Variants in OR1J2 observed in about 807,000 individuals in gnomAD.
OR1J2 encodes the protein olfactory receptor 1J2.
For synonymous variants in OR1J2, 142 were observed against 99.7 expected (o/e 1.42, Z -2.52); for missense variants, 304 against 246.1 (o/e 1.24, Z -1.57).
the OR1J2 span, chr9:122,519,666 C>T: frequency 6.2e-7 from 1 of 1,614,148 alleles, no homozygotes; most frequent in Non-Finnish European, 8.5e-7. Context: ...CACCATCCCC[C>T]ATTTCTTCTG....
chr9:122,477,069 G>T, the OR1J2 span: 2 of 1,614,038 alleles, frequency 1.2e-6, no homozygotes, highest in Admixed American at 3.3e-5. Context: ...AAATGAATGG[G>T]TTCAACATGG....
chr9:122,496,413 G>A, the OR1J2 span, among the ~76,000 whole-genome samples: 4 of 152,242 alleles, frequency 2.6e-5, no homozygotes, highest in South Asian at 2.1e-4. Context: ...GGCTTCTGTG[G>A]GAGTCGCAGG....
the OR1J2 span, among the ~76,000 whole-genome samples, chr9:122,577,471 T>A: frequency 8.6e-5 from 13 of 152,032 alleles, no homozygotes; most frequent in Non-Finnish European, 1.6e-4. Context: ...AACACCTCAA[T>A]AATAAAAAAG....
At chr9:122,547,125 AAT>A in the OR1J2 span, among the ~76,000 whole-genome samples, 125 of 150,480 alleles carry the variant, frequency 8.3e-4, no homozygotes, top group East Asian at 4.8e-3. Context: ...CACATAAAAA[AAT>A]AATAATTTAA....
the OR1J2 span, chr9:122,567,314 G>GA: frequency 5.0e-6 from 2 of 396,662 alleles, no homozygotes; most frequent in East Asian, 3.7e-5. Flanking sequence ...TGAGAAAGTG[G>GA]AAAAAATAAA....
At chr9:122,507,755 T>C (rs1413011083), upstream of OR1J2, among the ~76,000 whole-genome samples, 2 of 152,202 alleles carry the variant, frequency 1.3e-5, no homozygotes, top group Non-Finnish European at 2.9e-5. Flanking sequence ...AATTTTCTCC[T>C]GCGTGTAAAA....
chr9:122,553,487 T>G, the OR1J2 span: 1 of 1,614,030 alleles, frequency 6.2e-7, no homozygotes, highest in Non-Finnish European at 8.5e-7. Context: ...ATACCCAGAG[T>G]CAGATCATCT....
chr9:122,511,879 A>G, downstream of OR1J2: 1 of 626,194 alleles, frequency 1.6e-6, no homozygotes, highest in Non-Finnish European at 2.9e-6. Context: ...TAATTGGTAA[A>G]TATTTGTTGG....
At chr9:122,559,265 T>A in the OR1J2 span, among the ~76,000 whole-genome samples, 1 of 152,184 alleles carries the variant, frequency 6.6e-6, no homozygotes, top group East Asian at 1.9e-4. Flanking sequence ...TGAAATCAAC[T>A]TTTTTTGTTG....
chr9:122,569,383 C>A, the OR1J2 span, among the ~76,000 whole-genome samples: 2 of 132,942 alleles, frequency 1.5e-5, no homozygotes, highest in Non-Finnish European at 3.2e-5. Flanking sequence ...TATTTTTCAT[C>A]CCGATCCAGT....
chr9:122,536,430 A>T, the OR1J2 span, among the ~76,000 whole-genome samples: 1 of 152,220 alleles, frequency 6.6e-6, no homozygotes, highest in Admixed American at 6.5e-5. Context: ...AATAAAAAAG[A>T]CATAAAACCC....
chr9:122,545,447 C>A, the OR1J2 span, among the ~76,000 whole-genome samples: 27 of 152,168 alleles, frequency 1.8e-4, no homozygotes, highest in Non-Finnish European at 3.1e-4. Context: ...TGTAATTTCC[C>A]ATTTCTCCCT....
the OR1J2 span, among the ~76,000 whole-genome samples, chr9:122,565,820 T>G: frequency 6.6e-6 from 1 of 152,216 alleles, no homozygotes; most frequent in African/African-American, 2.4e-5. Flanking sequence ...CTAAGAACTG[T>G]TTGCCTAGTA....
the OR1J2 span, among the ~76,000 whole-genome samples, chr9:122,447,817 A>G: frequency 6.6e-6 from 1 of 152,160 alleles, no homozygotes; most frequent in Non-Finnish European, 1.5e-5. Context: ...AGAAGGATAC[A>G]TACAACAGAC....
At chr9:122,494,983 G>C in the OR1J2 span, among the ~76,000 whole-genome samples, 1 of 152,122 alleles carries the variant, frequency 6.6e-6, no homozygotes, top group African/African-American at 2.4e-5. Context: ...GCTGATAATT[G>C]TTTTGTTTAA....
chr9:122,477,527 T>C, the OR1J2 span: 1 of 1,614,102 alleles, frequency 6.2e-7, no homozygotes, highest in Non-Finnish European at 8.5e-7. Flanking sequence ...GTCATGATGG[T>C]GGCATAATGT....
the OR1J2 span, among the ~76,000 whole-genome samples, chr9:122,538,856 A>G: frequency 6.6e-6 from 1 of 152,174 alleles, no homozygotes; most frequent in Non-Finnish European, 1.5e-5. Context: ...ATAGAGATGG[A>G]AATAACAGAC....
chr9:122,501,204 A>G, the OR1J2 span, among the ~76,000 whole-genome samples: 2 of 152,164 alleles, frequency 1.3e-5, no homozygotes, highest in African/African-American at 4.8e-5. Flanking sequence ...TTCTTTTATA[A>G]GTAATAAAGA....
the OR1J2 span, among the ~76,000 whole-genome samples, chr9:122,489,956 A>T: frequency 6.6e-6 from 1 of 152,206 alleles, no homozygotes; most frequent in Non-Finnish European, 1.5e-5. Context: ...GGATAGACAC[A>T]TAACATTTAG....
Sources: allele counts gnomAD v4.1 joint callset (sites outside exome capture counted in the v4.1 genomes callset), GRCh38; gene constraint gnomAD v4.1.1; transcripts MANE v1.5; gene names NCBI Gene and HGNC (gene_info 2026-07-23, HGNC 2026-07-21).